ZNF140: variants seen among roughly 807,000 people sequenced by gnomAD.
ZNF140 encodes zinc finger protein 140, also known as zinc finger protein 140 (clone pHZ-39).
ZNF140 carries 13 observed loss-of-function variants against 12.9 expected under a neutral mutation model. The observed-to-expected ratio is 1.01, with a 90% confidence interval of 0.66 to 1.60. The LOEUF (loss-of-function observed/expected upper bound fraction) is 1.60. ZNF140 is among the 40% of genes most tolerant of loss of function. The pLI is 0.00. For synonymous variants in ZNF140, 214 were observed against 186.7 expected, an observed-to-expected ratio of 1.15 and a Z score of -1.19; for missense variants, 531 against 548.8, an observed-to-expected ratio of 0.97 and a Z score of 0.32.
intron 4 of ZNF140, among the ~76,000 whole-genome samples, chr12:133,104,742 G>C (rs927861348): frequency 7.9e-5 from 12 of 152,142 alleles, no homozygotes; most frequent in Non-Finnish European, 1.5e-4. Flanking sequence ...TTAAAATTCA[G>C]CATGGAGAAA....
At position 133,081,288 on chromosome 12, in the gene ZNF140, C is replaced by T; in HGVS notation, c.-33C>T. ...TCTCTGCCAGGTCTGCCATTTTACA[C>T]TTTTCTGATCTCCTCCTTCCCTTCT... On this transcript the variant is annotated 5_prime_UTR_variant, in exon 2 of 5. Coordinates refer to ENST00000355557, the MANE Select transcript of ZNF140 (RefSeq NM_003440.4). 6.5e-7 allele frequency: 1 copy of T among 1,543,776 alleles called. No homozygotes were observed. The highest frequency in any genetic ancestry group is 8.8e-7 in the Non-Finnish European group (1 of 1,136,230).
At position 133,095,471 on chromosome 12, in the gene ZNF140, A is replaced by G. The variant is rs970551073; in HGVS notation, c.233-10039A>G. On this transcript the variant is annotated intron_variant, in intron 4 of 4. Coordinates refer to ENST00000355557, the MANE Select transcript of ZNF140 (RefSeq NM_003440.4). ...GAAAGGCCCCCACATCGGGCGCCAG[A>G]TGAAGGGGTGGCCTGCCCCTCCACA... Among the ~76,000 whole-genome samples, 34 of 150,920 alleles carry G rather than the reference A, an allele frequency of 2.3e-4. 1 individual carries two copies. The South Asian group carries it at 2.3e-3, about 10-fold the overall frequency.
intron 4 of ZNF140, among the ~76,000 whole-genome samples, chr12:133,085,385 G>A (rs1954641301): frequency 6.6e-6 from 1 of 152,094 alleles, no homozygotes; most frequent in Admixed American, 6.5e-5. Context: ...ATCTTATTTT[G>A]AAAATTTTTT....
At chr12:133,082,689 T>TA (rs1240744749) in intron 2 of ZNF140, 1 of 161,190 alleles carries the variant, frequency 6.2e-6, no homozygotes, top group Admixed American at 6.0e-5. Flanking sequence ...GTGGTGCTGT[T>TA]ATCTGCTGTA....
chr12:133,091,044 T>A (rs1443201502), intron 4 of ZNF140, among the ~76,000 whole-genome samples: 6 of 149,010 alleles, frequency 4.0e-5, no homozygotes, highest in African/African-American at 1.2e-4. Flanking sequence ...CAGGAGACAG[T>A]GGCCTTCCTC....
chr12:133,105,187 G>T (rs1372892069), intron 4 of ZNF140, among the ~76,000 whole-genome samples: 7 of 152,160 alleles, frequency 4.6e-5, no homozygotes, highest in Non-Finnish European at 7.3e-5. Context: ...GCCATTTTTA[G>T]ATAATTCTGG....
intron 4 of ZNF140, among the ~76,000 whole-genome samples, chr12:133,104,863 A>G (rs1038439911): frequency 1.3e-5 from 2 of 152,134 alleles, no homozygotes; most frequent in Non-Finnish European, 2.9e-5. Context: ...ATTGTGTGTC[A>G]TGGGGGTTTG....
chr12:133,101,154 G>A lies in ZNF140; in HGVS notation c.233-4356G>A, dbSNP rs1955332049. On this transcript the variant is annotated intron_variant, in intron 4 of 4. Transcript: ENST00000355557. ...TAGGGGTTTTTGTGAGGGGCGAGAG[G>A]GCACTTACCTTGCTTGGTGTTCTCT... The A allele has an allele frequency of 4.5e-5, 11 of 244,190 alleles. No individual in the cohort carries two copies. In the South Asian group the frequency reaches 4.7e-4, roughly 10 times the overall value. 15.1% of individuals were successfully genotyped at this position (244,190 alleles called of 1,614,324 possible). A position where few individuals can be genotyped will look rare whatever the true frequency, so the allele number is the denominator to read the frequency against.
At chr12:133,103,359 A>G (rs1955431571) in intron 4 of ZNF140, among the ~76,000 whole-genome samples, 1 of 152,198 alleles carries the variant, frequency 6.6e-6, no homozygotes, top group African/African-American at 2.4e-5. Context: ...CCTGGGTTCA[A>G]GCAGTCCTTC....
chr12:133,083,398 C>T, intron 3 of ZNF140, 68 bp from the exon 4 acceptor site: 2 of 1,552,666 alleles, frequency 1.3e-6, no homozygotes, highest in South Asian at 1.2e-5. Flanking sequence ...TTACATCTGA[C>T]ATTTCCTTTG....
rs1377287336 is a variant in ZNF140, at chr12:133,097,818, C to CGTGTGTGTGTGT, written c.233-7692_233-7691insGTGTGTGTGTGT. 2.3e-3 allele frequency among the ~76,000 whole-genome samples: 250 copies of CGTGTGTGTGTGT among 106,578 alleles called. 2 individuals are homozygous for CGTGTGTGTGTGT. The highest frequency in any genetic ancestry group is 7.2e-3 in the African/African-American group (189 of 26,124). The allele number at this position is 106,578 out of a possible 152,430, so 69.9% of individuals were successfully genotyped here. The stretch of plus-strand genomic sequence containing the variant: ...ATATGCATGAGGCACCACATCTAAC[C>CGTGTGTGTGTGT]ATGTGTGTGTGTGTGTGTGTGTGTG... On this transcript the variant is annotated intron_variant, in intron 4 of 4. Coordinates refer to ENST00000355557, the MANE Select transcript of ZNF140 (RefSeq NM_003440.4).
intron 4 of ZNF140, among the ~76,000 whole-genome samples, chr12:133,085,483 G>T (rs2137491045): frequency 6.6e-6 from 1 of 152,296 alleles, no homozygotes; most frequent in Non-Finnish European, 1.5e-5. Flanking sequence ...ACAGTCACGT[G>T]ACCAAGGTCA....
In ZNF140 at chr12:133,093,562, T is replaced by C. The variant is rs372946550; in HGVS notation, c.232+10001T>C. On this transcript the variant is annotated intron_variant, in intron 4 of 4. Transcript: ENST00000355557. The stretch of plus-strand genomic sequence containing the variant: ...TCTGGTTAAACACAAGCAAAATCTC[T>C]CCCCCATGTTATCACCTTCCCTATT... 2.3e-3 allele frequency: 1,532 copies of C among 678,892 alleles called. 57 individuals are homozygous for C. In the South Asian group the frequency reaches 0.023, roughly 10 times the overall value. 42.1% of individuals were successfully genotyped at this position (678,892 alleles called of 1,614,324 possible).
At chr12:133,085,753 A>C (rs2137492213) in intron 4 of ZNF140, among the ~76,000 whole-genome samples, 1 of 152,376 alleles carries the variant, frequency 6.6e-6, no homozygotes, top group East Asian at 1.9e-4. Flanking sequence ...ATGGTGGCTC[A>C]TGCCTATAAT....
intron 4 of ZNF140, among the ~76,000 whole-genome samples, chr12:133,087,802 T>G (rs34066535): frequency 7.5e-4 from 115 of 152,318 alleles, no homozygotes; most frequent in Middle Eastern, 3.4e-3. Context: ...GGAATGCTAG[T>G]CAATTTGTAT....
intron 2 of ZNF140, 42 bp downstream of exon 2, chr12:133,081,371 A>ATATATATATATCTAT (rs1593734785): frequency 4.0e-6 from 1 of 249,656 alleles, no homozygotes; most frequent in Non-Finnish European, 6.8e-6. Flanking sequence ...ATATATATAT[A>ATATATATATATCTAT]AATTTTTATT....
intron 4 of ZNF140, among the ~76,000 whole-genome samples, chr12:133,096,047 AT>A (rs1955104018): frequency 6.6e-6 from 1 of 150,844 alleles, no homozygotes; most frequent in South Asian, 2.1e-4. Context: ...CAGACCCTTT[AT>A]GGGTGTCGGG....
chr12:133,102,575 G>GTAAA, intron 4 of ZNF140, among the ~76,000 whole-genome samples: 1 of 151,880 alleles, frequency 6.6e-6, no homozygotes, highest in South Asian at 2.1e-4. Flanking sequence ...AGATACATAA[G>GTAAA]TAAATAAATA....
chr12:133,106,573 G>A lies in ZNF140; in HGVS notation c.1296G>A (p.Gln432=). 1.2e-6 allele frequency: 2 copies of A among 1,613,722 alleles called. No homozygotes were observed. The highest frequency in any genetic ancestry group is 1.7e-6 in the Non-Finnish European group (2 of 1,179,956). ...GGAGCTCAAACCTTGCTAAACATCAGAGGACACACACTCTTGACAACCCCT... is the reference window on the plus strand; with the variant it reads ...GGAGCTCAAACCTTGCTAAACATCAAAGGACACACACTCTTGACAACCCCT... ...FSWSSNLAKH[Q]RTHTLDNPYE... Residue 432 remains glutamine, a synonymous_variant, in exon 5 of 5, where the codon CAG becomes CAA. Transcript: ENST00000355557.
Sources: gnomAD v4.1 joint callset for allele counts (sites outside exome capture counted in the v4.1 genomes callset) on GRCh38, gnomAD v4.1.1 for gene constraint, MANE v1.5 for transcripts, NCBI Gene and HGNC (gene_info 2026-07-23, HGNC 2026-07-21) for gene names.